Variants in ATF5 observed in about 807,000 individuals in gnomAD.
ATF5 encodes activating transcription factor 5, also known as cyclic AMP-dependent transcription factor ATF-5.
A neutral mutation model predicts 4.6 loss-of-function variants in ATF5; 6 were observed. The observed-to-expected ratio is 1.31, with a 90% CI of 0.72 to 2.59. The LOEUF (loss-of-function observed/expected upper bound fraction) is 2.59, where lower values mean the gene tolerates loss of function less well. Among genes scored for constraint, ATF5 ranks in the 30% most tolerant of loss-of-function variants. The probability of loss-of-function intolerance (pLI) is 0.00; values close to 1 mark genes in which losing one functional copy is unlikely to be tolerated. For missense variants in ATF5, 410 were observed against 368.7 expected (o/e 1.11, Z -0.92); for synonymous variants, 193 against 165.0 (o/e 1.17, Z -1.30).
At position 49,932,510 on chromosome 19, in the gene ATF5, C is replaced by G. The variant is rs200250344; in HGVS notation, c.267C>G (p.Pro89=). 8.7e-6 allele frequency: 14 copies of G among 1,607,618 alleles called. No homozygotes were observed. Among genetic ancestry groups the G allele is most frequent in the Non-Finnish European group, 1.2e-5 (14 of 1,177,254 alleles). ...LEPPLPPGTL[P]QPSPTPPDLE... Reference sequence around the variant, plus strand: ...CTCCCTTACCCCCCGGCACCCTCCCCCAACCTTCCCCAACCCCACCTGACC... The same window carrying G: ...CTCCCTTACCCCCCGGCACCCTCCCGCAACCTTCCCCAACCCCACCTGACC... Residue 89 remains proline (P), a synonymous_variant, in exon 3 of 3, where the codon CCC becomes CCG. Coordinates refer to ENST00000423777, the MANE Select transcript of ATF5 (RefSeq NM_001193646.2).
At position 49,933,215 on chromosome 19, in the gene ATF5, C is replaced by A; in HGVS notation, c.*123C>A. ...GTGGCTTATGCTTGTAATCCCAGCA[C>A]TTTGGGAGGCCAAGGCAGGAGGATC... On this transcript the variant is annotated 3_prime_UTR_variant, in exon 3 of 3. Transcript: ENST00000423777. 9.3e-7 allele frequency: 1 copy of A among 1,076,566 alleles called. No homozygotes were observed. 66.7% of individuals were successfully genotyped at this position (1,076,566 alleles called of 1,614,324 possible).
chr19:49,929,893 C>G (rs1451184360), intron 1 of ATF5: 1 of 152,334 alleles, frequency 6.6e-6, no homozygotes, highest in Non-Finnish European at 1.5e-5. Flanking sequence ...GCCCCCTCTA[C>G]CCTCCTCCAC....
At chr19:49,932,381 C>G (rs746964025) in intron 2 of ATF5, 41 bp from the exon 3 acceptor site, 1 of 1,607,060 alleles carries the variant, frequency 6.2e-7, no homozygotes, top group Non-Finnish European at 8.5e-7. Context: ...AGAAGACCAG[C>G]AACTCAGGGA....
Position 49,933,411 on chromosome 19 carries a change from T to G in ATF5, c.*319T>G, listed in dbSNP as rs2076087412. On this transcript the variant is annotated 3_prime_UTR_variant, in exon 3 of 3. Coordinates refer to ENST00000423777, the MANE Select transcript of ATF5 (RefSeq NM_001193646.2). ...CTCTCTTGCGTATTTCTGGATCTCC[T>G]TCCCTCCTTTCTCGTCCAAATCATG... The G allele has an allele frequency of 7.9e-6, 2 of 251,806 alleles. No individual in the cohort carries two copies. Among genetic ancestry groups the G allele is most frequent in the African/African-American group, 2.2e-5 (1 of 44,978 alleles). 15.6% of individuals were successfully genotyped at this position (251,806 alleles called of 1,614,324 possible).
chr19:49,932,882 GAA>G lies in ATF5; in HGVS notation c.640_641del (p.Lys214GlufsTer20). On this transcript the variant is annotated frameshift_variant, in exon 3 of 3. Coordinates refer to ENST00000423777, the MANE Select transcript of ATF5 (RefSeq NM_001193646.2). LOFTEE classifies it high-confidence loss of function. ...CCACCCGAGGGGACCGCAAGCAAAAGAAGAGAGACCAGAACAAGTCGGCGGCT... is the reference window on the plus strand; with the variant it reads ...CCACCCGAGGGGACCGCAAGCAAAAGGAGAGACCAGAACAAGTCGGCGGCT... ...ATTRGDRKQKKRDQNKSAALR... is the reference protein window; with the variant it reads ...ATTRGDRKQKXRDQNKSAALR... The G allele has an allele frequency of 6.2e-7, 1 of 1,613,566 alleles. No homozygotes were observed. Among genetic ancestry groups the G allele is most frequent in the Non-Finnish European group, 8.5e-7 (1 of 1,179,792 alleles).
At chr19:49,929,951 T>G (rs2076031200) in intron 1 of ATF5, 1 of 152,274 alleles carries the variant, frequency 6.6e-6, no homozygotes, top group South Asian at 2.1e-4. Context: ...TTCCTTCCTT[T>G]TAAACCAGGC....
chr19:49,932,402 C>A lies in ATF5; in HGVS notation c.179-20C>A. The A allele has an allele frequency of 6.2e-7, 1 of 1,613,886 alleles. No homozygotes were observed. Among genetic ancestry groups the A allele is most frequent in the South Asian group, 1.1e-5 (1 of 91,072 alleles). On this transcript the variant is annotated intron_variant, in intron 2 of 2. Coordinates refer to ENST00000423777, the MANE Select transcript of ATF5 (RefSeq NM_001193646.2). Reference sequence around the variant, plus strand: ...CCAGCAACTCAGGGAATTTTGTGTCCCTCCCCACTTTAATCCCAGGTGATG... The same window carrying A: ...CCAGCAACTCAGGGAATTTTGTGTCACTCCCCACTTTAATCCCAGGTGATG...
Position 49,932,607 on chromosome 19 carries a change from C to CAGG in ATF5, c.364_365insAGG (p.Leu122delinsGlnVal). The CAGG allele has an allele frequency of 6.4e-7, 1 of 1,555,260 alleles. No homozygotes were observed. The highest frequency in any genetic ancestry group is 8.7e-7 in the Non-Finnish European group (1 of 1,148,458). ...AGACTTCTTCCTAGATGCCCCGCCC[C>CAGG]TCCCACCACCCTCCCCGCCGCCACT... On this transcript the variant is annotated protein_altering_variant, in exon 3 of 3. Transcript: ENST00000423777.
At position 49,933,152 on chromosome 19, in the gene ATF5, C is replaced by CCT; in HGVS notation, c.*63_*64dup. 6.8e-7 allele frequency: 1 copy of CCT among 1,470,344 alleles called. No individual in the cohort carries two copies. Among genetic ancestry groups the CCT allele is most frequent in the Admixed American group, 2.4e-5 (1 of 41,634 alleles). The allele number at this position is 1,470,344 out of a possible 1,614,324, so 91.1% of individuals were successfully genotyped here. A position where few individuals can be genotyped will look rare whatever the true frequency, so the allele number is the denominator to read the frequency against. ...CAGCTCTGGCGCCTTCATCCCCCTG[C>CCT]CTCTACCTTCATTCCAAACCCCTCT... On this transcript the variant is annotated 3_prime_UTR_variant, in exon 3 of 3. Coordinates refer to ENST00000423777, the MANE Select transcript of ATF5 (RefSeq NM_001193646.2).
Position 49,932,998 on chromosome 19 carries a change from A to G in ATF5, c.755A>G (p.Glu252Gly), listed in dbSNP as rs1600593729. ...GLEARNRELK[E>G]RAESVEREIQ... ...GAGGCACGGAATCGCGAGCTGAAGG[A>G]ACGGGCAGAGTCCGTGGAGCGCGAG... The change falls in exon 3 of 3, where the codon GAA (glutamate) becomes GGA (glycine). Residue 252 changes from glutamate (E) to glycine (G), a missense_variant. Transcript: ENST00000423777. The G allele has an allele frequency of 1.3e-5, 21 of 1,614,034 alleles. No homozygotes were observed. Among genetic ancestry groups the G allele is most frequent in the Non-Finnish European group, 1.7e-5 (20 of 1,179,972 alleles).
Position 49,932,606 on chromosome 19 carries a change from C to CCAAG in ATF5, c.364_365insAAGC (p.Leu122GlnfsTer29). 1 of 1,555,994 alleles carries CCAAG rather than the reference C, an allele frequency of 6.4e-7. No homozygotes were observed. Among genetic ancestry groups the CCAAG allele is most frequent in the Non-Finnish European group, 8.7e-7 (1 of 1,149,414 alleles). On this transcript the variant is annotated frameshift_variant, in exon 3 of 3. Coordinates refer to ENST00000423777, the MANE Select transcript of ATF5 (RefSeq NM_001193646.2). LOFTEE classifies it low-confidence loss of function (END_TRUNC). The stretch of plus-strand genomic sequence containing the variant: ...AAGACTTCTTCCTAGATGCCCCGCC[C>CCAAG]CTCCCACCACCCTCCCCGCCGCCAC...
chr19:49,932,500 G>GCC lies in ATF5; in HGVS notation c.258_259insCC (p.Thr87ProfsTer32). ...CCTCTGGAGCCTCCCTTACCCCCCG[G>GCC]CACCCTCCCCCAACCTTCCCCAACC... On this transcript the variant is annotated frameshift_variant, in exon 3 of 3. Transcript: ENST00000423777. LOFTEE classifies it low-confidence loss of function (END_TRUNC). 1 of 1,430,916 alleles carries GCC rather than the reference G, an allele frequency of 7.0e-7. No individual in the cohort carries two copies. Among genetic ancestry groups the GCC allele is most frequent in the Non-Finnish European group, 9.5e-7 (1 of 1,052,660 alleles). 88.6% of individuals were successfully genotyped at this position (1,430,916 alleles called of 1,614,324 possible). A position where few individuals can be genotyped will look rare whatever the true frequency, so the allele number is the denominator to read the frequency against.
At chr19:49,928,937 G>A (rs2075984416), upstream of ATF5, 1 of 152,538 alleles carries the variant, frequency 6.6e-6, no homozygotes, top group South Asian at 2.1e-4. Context: ...CCAGAGCTTA[G>A]AGTCAGGAGG....
In ATF5 at chr19:49,932,954, G is replaced by A; in HGVS notation, c.711G>A (p.Glu237=). 6.2e-7 allele frequency: 1 copy of A among 1,614,006 alleles called. No individual in the cohort carries two copies. The highest frequency in any genetic ancestry group is 1.3e-5 in the African/African-American group (1 of 75,050). The change falls in exon 3 of 3, where the codon GAG becomes GAA. Residue 237 remains glutamate (E), a synonymous_variant. Coordinates refer to ENST00000423777, the MANE Select transcript of ATF5 (RefSeq NM_001193646.2). The stretch of plus-strand genomic sequence containing the variant: ...AGCGGGCAGAGGGTGAGGCCCTGGA[G>A]GGCGAGTGCCAGGGGCTGGAGGCAC... ...QRKRAEGEAL[E]GECQGLEARN...
In ATF5 at chr19:49,932,516, T is replaced by G. The variant is rs867597251; in HGVS notation, c.273T>G (p.Pro91=). Residue 91 remains proline (P), a synonymous_variant, in exon 3 of 3, where the codon CCT becomes CCG. Transcript: ENST00000423777. ...TACCCCCCGGCACCCTCCCCCAACC[T>G]TCCCCAACCCCACCTGACCTGGAAG... is the stretch of plus-strand genomic sequence containing the variant. ...PPLPPGTLPQ[P]SPTPPDLEAM... 4.8e-6 allele frequency: 4 copies of G among 832,042 alleles called. No individual in the cohort carries two copies. The Middle Eastern group carries it at 1.2e-3, about 241-fold the overall frequency. 51.5% of individuals were successfully genotyped at this position (832,042 alleles called of 1,614,324 possible).
In ATF5 at chr19:49,932,900, G is replaced by T; in HGVS notation, c.657G>T (p.Lys219Asn). ...AGCAAAAGAAGAGAGACCAGAACAAGTCGGCGGCTCTGAGGTACCGCCAGC... is the reference window on the plus strand; with the variant it reads ...AGCAAAAGAAGAGAGACCAGAACAATTCGGCGGCTCTGAGGTACCGCCAGC... Reference protein sequence around the residue: ...DRKQKKRDQNKSAALRYRQRK... With the variant: ...DRKQKKRDQNNSAALRYRQRK... Residue 219 changes from lysine (K) to asparagine (N), a missense_variant, in exon 3 of 3, where the codon AAG (lysine) becomes AAT (asparagine). By Grantham distance (94) the Lys-to-Asn change is moderately conservative. Coordinates refer to ENST00000423777, the MANE Select transcript of ATF5 (RefSeq NM_001193646.2). 1 of 1,613,784 alleles carries T rather than the reference G, an allele frequency of 6.2e-7. No homozygotes were observed. The highest frequency in any genetic ancestry group is 1.1e-5 in the South Asian group (1 of 91,048).
In ATF5 at chr19:49,932,598, G is replaced by A. The variant is rs779593866; in HGVS notation, c.355G>A (p.Ala119Thr). ...ACAGATGGAAGACTTCTTCCTAGAT[G>A]CCCCGCCCCTCCCACCACCCTCCCC... The part of the protein sequence containing the change: ...LEQMEDFFLD[A>T]PPLPPPSPPP... Residue 119 changes from alanine to threonine, a missense_variant, in exon 3 of 3, where the codon GCC becomes ACC. By Grantham distance (58) the Ala-to-Thr change is moderately conservative (BLOSUM62 0). Transcript: ENST00000423777. 8.3e-6 allele frequency: 13 copies of A among 1,557,394 alleles called. No individual in the cohort carries two copies. The highest frequency in any genetic ancestry group is 1.1e-5 in the Non-Finnish European group (13 of 1,153,068).
At position 49,932,129 on chromosome 19, in the gene ATF5, T is replaced by A. The variant is rs149629931; in HGVS notation, c.179-293T>A. ...GGGTTGATTGGTTGGTTGACTGATT[T>A]ATTTGGTTGGTTGACCGATTCCCTG... On this transcript the variant is annotated intron_variant, in intron 2 of 2. Coordinates refer to ENST00000423777, the MANE Select transcript of ATF5 (RefSeq NM_001193646.2). 2.5e-4 allele frequency among the ~76,000 whole-genome samples: 38 copies of A among 152,218 alleles called. No individual in the cohort carries two copies. The East Asian group carries it at 6.7e-3, about 27-fold the overall frequency.
At chr19:49,932,348 C>T (rs1240044521) in intron 2 of ATF5, 74 bp from the exon 3 acceptor site, 13 of 1,432,640 alleles carry the variant, frequency 9.1e-6, no homozygotes, top group East Asian at 4.5e-5. Flanking sequence ...CTGAATGAGA[C>T]GTGAGTCAGC....
Sources: allele counts gnomAD v4.1 joint callset (sites outside exome capture counted in the v4.1 genomes callset), GRCh38; gene constraint gnomAD v4.1.1; transcripts MANE v1.5; gene names NCBI Gene and HGNC (gene_info 2026-07-23, HGNC 2026-07-21).